STIM1: variants seen among roughly 807,000 people sequenced by gnomAD.
STIM1 encodes stromal interaction molecule 1.
STIM1 carries 25 observed loss-of-function variants against 74.7 expected under a neutral mutation model. The observed-to-expected ratio is 0.33, with a 90% CI of 0.24 to 0.47. The LOEUF (loss-of-function observed/expected upper bound fraction) is 0.47, where lower values mean the gene tolerates loss of function less well. Ranked by LOEUF, STIM1 falls within the 20% of genes least tolerant of loss-of-function variation. STIM1 has a pLI of 1.00. For synonymous variants in STIM1, 328 were observed against 348.8 expected (o/e 0.94, Z 0.66); for missense variants, 728 against 920.8 (o/e 0.79, Z 2.71).
At chr11:3,998,030 C>A (rs753725424) in intron 2 of STIM1, among the ~76,000 whole-genome samples, 4 of 152,180 alleles carry the variant, frequency 2.6e-5, no homozygotes, top group Non-Finnish European at 5.9e-5. Context: ...GAGGGATCAG[C>A]ATCACTGTAA....
At chr11:4,073,910 C>G (rs1395876563) in intron 6 of STIM1, among the ~76,000 whole-genome samples, 1 of 48,684 alleles carries the variant, frequency 2.1e-5, no homozygotes, top group African/African-American at 3.4e-5. Context: ...ACTCCTAGCT[C>G]AATAGTTCCT....
At chr11:4,037,617 A>G (rs930238446) in intron 3 of STIM1, among the ~76,000 whole-genome samples, 5 of 152,094 alleles carry the variant, frequency 3.3e-5, no homozygotes, top group Admixed American at 3.3e-4. Context: ...TTAGTTTGGA[A>G]TGTCTTTTTC....
At chr11:3,901,803 T>C (rs1590546559) in intron 1 of STIM1, among the ~76,000 whole-genome samples, 1 of 152,232 alleles carries the variant, frequency 6.6e-6, no homozygotes, top group Admixed American at 6.5e-5. Flanking sequence ...TTGCCCAGGC[T>C]GGAGTACACT....
intron 1 of STIM1, among the ~76,000 whole-genome samples, chr11:3,922,931 C>T (rs904289264): frequency 3.3e-5 from 5 of 151,922 alleles, no homozygotes; most frequent in South Asian, 4.2e-4. Context: ...AACCCCATCT[C>T]TACTAAAAAT....
chr11:4,053,020 A>G (rs1451451048), intron 3 of STIM1, among the ~76,000 whole-genome samples: 1 of 152,208 alleles, frequency 6.6e-6, no homozygotes, highest in African/African-American at 2.4e-5. Flanking sequence ...GCAAATCAAA[A>G]CCGCAATGAG....
chr11:3,863,635 A>G (rs1384016499), intron 1 of STIM1, among the ~76,000 whole-genome samples: 1 of 152,144 alleles, frequency 6.6e-6, no homozygotes, highest in Non-Finnish European at 1.5e-5. Flanking sequence ...GAGTAGCATG[A>G]TGAAATCTCA....
chr11:4,015,871 G>A (rs112172441), intron 2 of STIM1, among the ~76,000 whole-genome samples: 3,923 of 152,070 alleles, frequency 0.026, 155 homozygotes, highest in African/African-American at 0.085. Context: ...TGAAGTTCTC[G>A]TACTGTGGTT....
chr11:4,087,507 A>T (rs1273593236), intron 12 of STIM1, among the ~76,000 whole-genome samples: 1 of 152,180 alleles, frequency 6.6e-6, no homozygotes, highest in African/African-American at 2.4e-5. Context: ...AACACTGGAT[A>T]TGTGTTGGTG....
intron 2 of STIM1, among the ~76,000 whole-genome samples, chr11:4,021,046 C>G (rs936265955): frequency 1.3e-5 from 2 of 151,880 alleles, no homozygotes; most frequent in African/African-American, 4.8e-5. Flanking sequence ...ATGTTTTCTC[C>G]CATTCTGTAG....
chr11:3,941,671 T>G (rs78597560), intron 1 of STIM1, among the ~76,000 whole-genome samples: 7,307 of 75,864 alleles, frequency 0.096, 239 homozygotes, highest in African/African-American at 0.13. Context: ...TATATATATA[T>G]ATAGAGAGAG....
At chr11:3,910,222 A>G (rs1354465564) in intron 1 of STIM1, among the ~76,000 whole-genome samples, 1 of 152,224 alleles carries the variant, frequency 6.6e-6, no homozygotes, top group African/African-American at 2.4e-5. Flanking sequence ...AGGGATAGAC[A>G]TGGTCAAATT....
intron 9 of STIM1, 50 bp from the exon 10 acceptor site, chr11:4,083,213 T>C (rs778684290): frequency 1.0e-5 from 16 of 1,575,070 alleles, no homozygotes; most frequent in Non-Finnish European, 1.4e-5. Context: ...TCATTCCTAT[T>C]GGGGCTCACA....
In STIM1 at chr11:3,913,986, A is replaced by C. The variant is rs146551101; in HGVS notation, c.140-53566A>C. Among the ~76,000 whole-genome samples, 669 of 152,166 alleles carry C rather than the reference A, an allele frequency of 4.4e-3. 2 individuals are homozygous for C. The highest frequency in any genetic ancestry group is 0.015 in the African/African-American group (637 of 41,502). On this transcript the variant is annotated intron_variant, in intron 1 of 12. Coordinates refer to ENST00000526596, the MANE Select transcript of STIM1 (RefSeq NM_001382567.1). Reference sequence around the variant, plus strand: ...TTTGGTGGTAAAATATATATAACCAAATTTTGTCATTTTATTCATTGATAA... The same window carrying C: ...TTTGGTGGTAAAATATATATAACCACATTTTGTCATTTTATTCATTGATAA...
chr11:3,937,290 CAAT>C (rs5789317), intron 1 of STIM1, among the ~76,000 whole-genome samples: 132 of 133,084 alleles, frequency 9.9e-4, no homozygotes, highest in African/African-American at 2.3e-3. Flanking sequence ...GACTTCATCT[CAAT>C]AATAATAATA....
At chr11:3,926,509 G>A (rs2092790810) in intron 1 of STIM1, among the ~76,000 whole-genome samples, 1 of 152,304 alleles carries the variant, frequency 6.6e-6, no homozygotes, top group South Asian at 2.1e-4. Context: ...CATACTGTTT[G>A]TGTAAATTCT....
At chr11:3,947,642 T>C (rs1276175967) in intron 1 of STIM1, 1 of 152,106 alleles carries the variant, frequency 6.6e-6, no homozygotes, top group Non-Finnish European at 1.5e-5. Flanking sequence ...TCTCCCAGGC[T>C]CAGTTGGCAG....
In STIM1 at chr11:4,083,375, G is replaced by T; in HGVS notation, c.1351G>T (p.Val451Leu). ...CAACAACCCTGGCATCCACTCACTG[G>T]TGGCTGCCCTCAACATAGACCCCAG... ...IVNNPGIHSL[V>L]AALNIDPSWM... Residue 451 changes from valine to leucine, a missense_variant, in exon 10 of 13, where the codon GTG becomes TTG. By Grantham distance (32) the Val-to-Leu change is conservative. Transcript: ENST00000526596. 6.2e-7 allele frequency: 1 copy of T among 1,614,252 alleles called. No homozygotes were observed. Among genetic ancestry groups the T allele is most frequent in the South Asian group, 1.1e-5 (1 of 91,092 alleles).
At chr11:3,896,184 G>A (rs950257552) in intron 1 of STIM1, among the ~76,000 whole-genome samples, 2 of 150,890 alleles carry the variant, frequency 1.3e-5, no homozygotes, top group Admixed American at 6.6e-5. Context: ...GATTACAGGC[G>A]TGAGCCACTG....
intron 1 of STIM1, among the ~76,000 whole-genome samples, chr11:3,961,765 C>T (rs2135714564): frequency 6.6e-6 from 1 of 152,282 alleles, no homozygotes; most frequent in South Asian, 2.1e-4. Context: ...GCCTCGGCCT[C>T]CTAAGATGCT....
Sources: allele counts gnomAD v4.1 joint callset (sites outside exome capture counted in the v4.1 genomes callset), GRCh38; gene constraint gnomAD v4.1.1; transcripts MANE v1.5; gene names NCBI Gene and HGNC (gene_info 2026-07-23, HGNC 2026-07-21).